KCNIP4: variants seen among roughly 807,000 people sequenced by gnomAD.
KCNIP4 encodes the protein potassium voltage-gated channel interacting protein 4, also known as Kv channel-interacting protein 4.
In KCNIP4, 12 loss-of-function variants were observed where a neutral mutation model predicts 34.0. The ratio of observed to expected loss-of-function variants is 0.35; its 90% CI spans 0.23 to 0.57. The LOEUF (loss-of-function observed/expected upper bound fraction) is 0.57, where lower values mean the gene tolerates loss of function less well. Among genes scored for constraint, KCNIP4 ranks in the 20% least tolerant of loss-of-function variants. KCNIP4 has a pLI of 0.83. For missense variants in KCNIP4, 238 were observed against 311.7 expected (o/e 0.76, Z 1.78); for synonymous variants, 124 against 102.2 (o/e 1.21, Z -1.29).
intron 3 of KCNIP4, among the ~76,000 whole-genome samples, chr4:20,786,053 AC>A (rs933050721): frequency 3.3e-5 from 5 of 152,142 alleles, no homozygotes; most frequent in Non-Finnish European, 7.4e-5. Context: ...CAACCTAGGT[AC>A]CCATCAATGG....
chr4:21,584,477 T>A (rs1344472507), intron 1 of KCNIP4, among the ~76,000 whole-genome samples: 1 of 152,032 alleles, frequency 6.6e-6, no homozygotes, highest in East Asian at 1.9e-4. Flanking sequence ...ACATTAAGAT[T>A]TTAGGAAACT....
intron 1 of KCNIP4, among the ~76,000 whole-genome samples, chr4:21,856,135 C>G (rs1231444264): frequency 6.6e-6 from 1 of 152,120 alleles, no homozygotes; most frequent in African/African-American, 2.4e-5. Flanking sequence ...TTGACATCAC[C>G]TTGGGTGGGG....
intron 1 of KCNIP4, among the ~76,000 whole-genome samples, chr4:21,546,603 C>T (rs1738174521): frequency 6.6e-6 from 1 of 152,010 alleles, no homozygotes; most frequent in African/African-American, 2.4e-5. Context: ...TTTGCATTTC[C>T]TAATTGGCAT....
chr4:20,817,537 G>A (rs559980477), intron 3 of KCNIP4, among the ~76,000 whole-genome samples: 4 of 151,906 alleles, frequency 2.6e-5, no homozygotes, highest in East Asian at 3.9e-4. Flanking sequence ...CCCCCTTTTC[G>A]CTCCTCTTAT....
At chr4:21,130,537 C>T (rs1199326765) in intron 1 of KCNIP4, among the ~76,000 whole-genome samples, 1 of 152,120 alleles carries the variant, frequency 6.6e-6, no homozygotes, top group East Asian at 1.9e-4. Context: ...AAACTAAATT[C>T]CTTGAACATG....
intron 1 of KCNIP4, among the ~76,000 whole-genome samples, chr4:21,155,180 C>A (rs1056013830): frequency 6.6e-6 from 1 of 152,094 alleles, no homozygotes. Context: ...GGCATGCCAG[C>A]CCTATTTTGC....
intron 1 of KCNIP4, among the ~76,000 whole-genome samples, chr4:21,234,461 CGTAT>C (rs1560199540): frequency 2.0e-5 from 2 of 98,976 alleles, no homozygotes; most frequent in African/African-American, 8.3e-5. Flanking sequence ...TTACATATAA[CGTAT>C]ATAATATATA....
At chr4:21,291,972 T>C (rs905886602) in intron 1 of KCNIP4, among the ~76,000 whole-genome samples, 3 of 151,262 alleles carry the variant, frequency 2.0e-5, no homozygotes. Flanking sequence ...TAAATCTTCA[T>C]CACTGAAATT....
intron 1 of KCNIP4, among the ~76,000 whole-genome samples, chr4:21,437,533 C>G (rs142924505): frequency 5.3e-5 from 8 of 152,154 alleles, no homozygotes; most frequent in Non-Finnish European, 1.0e-4. Context: ...TTTCAGTGAA[C>G]GCTATTTTAA....
chr4:21,178,186 G>C (rs1467830968), intron 1 of KCNIP4, among the ~76,000 whole-genome samples: 1 of 152,156 alleles, frequency 6.6e-6, no homozygotes, highest in Non-Finnish European at 1.5e-5. Context: ...CTTAATGAAA[G>C]TGGTTAGTCT....
At chr4:21,218,133 A>G (rs934960287) in intron 1 of KCNIP4, among the ~76,000 whole-genome samples, 9 of 151,882 alleles carry the variant, frequency 5.9e-5, no homozygotes, top group Middle Eastern at 3.4e-3. Context: ...CTCCTGCCTC[A>G]GTCTCCCGAG....
intron 1 of KCNIP4, among the ~76,000 whole-genome samples, chr4:20,992,459 T>C (rs1156909801): frequency 2.0e-5 from 3 of 152,150 alleles, no homozygotes; most frequent in African/African-American, 7.2e-5. Flanking sequence ...CAATTCAAGA[T>C]GAGATTTTGG....
At chr4:21,737,522 T>C (rs1410310981) in intron 1 of KCNIP4, among the ~76,000 whole-genome samples, 1 of 152,098 alleles carries the variant, frequency 6.6e-6, no homozygotes, top group Non-Finnish European at 1.5e-5. Context: ...GATACTAAAA[T>C]ATAACATCAT....
rs1731399850 is a variant in KCNIP4 at position 20,939,355 on chromosome 4, C to T, written c.62-56646G>A. Among the ~76,000 whole-genome samples, 2 of 151,798 alleles carry T rather than the reference C, an allele frequency of 1.3e-5. 1 individual carries two copies. The highest frequency in any genetic ancestry group is 4.2e-4 in the South Asian group (2 of 4,804). On this transcript the variant is annotated intron_variant, in intron 1 of 8. Coordinates refer to ENST00000382152, the MANE Select transcript of KCNIP4 (RefSeq NM_025221.6). ...ATTGCTAGATGTTAAACTTTCAGCC[C>T]ATAATCTTTTTATTAATTTATTATT...
chr4:21,016,066 C>T (rs1286316090), intron 1 of KCNIP4, among the ~76,000 whole-genome samples: 2 of 148,952 alleles, frequency 1.3e-5, no homozygotes, highest in Non-Finnish European at 3.0e-5. Context: ...TACATGCCAT[C>T]TCCTACTTCA....
chr4:21,900,391 T>A (rs1450832200), intron 1 of KCNIP4, among the ~76,000 whole-genome samples: 1 of 152,192 alleles, frequency 6.6e-6, no homozygotes, highest in Non-Finnish European at 1.5e-5. Context: ...TCCACTAATT[T>A]GGTTGACCGA....
At chr4:21,744,573 C>A (rs751579760) in intron 1 of KCNIP4, among the ~76,000 whole-genome samples, 29 of 152,158 alleles carry the variant, frequency 1.9e-4, no homozygotes, top group Non-Finnish European at 3.2e-4. Context: ...CTTCCCTGAG[C>A]TTTCTCCTGG....
chr4:21,370,471 A>G (rs1010491015), intron 1 of KCNIP4, among the ~76,000 whole-genome samples: 3 of 146,060 alleles, frequency 2.1e-5, no homozygotes, highest in African/African-American at 5.6e-5. Context: ...TTAAAAACAC[A>G]TGATTAAGAA....
chr4:21,650,561 G>A lies in KCNIP4; in HGVS notation c.61+298010C>T, dbSNP rs148271453. ...AGTTATTATACTTCTGCATATCTGA[G>A]GTCAGGAAAGAGGGGTCAGACATTT... On this transcript the variant is annotated intron_variant, in intron 1 of 8. Coordinates refer to ENST00000382152, the MANE Select transcript of KCNIP4 (RefSeq NM_025221.6). Among the ~76,000 whole-genome samples the A allele has an allele frequency of 2.8e-3, 430 of 152,158 alleles. 1 individual carries two copies. The highest frequency in any genetic ancestry group is 8.4e-3 in the African/African-American group (348 of 41,512).
Sources: gnomAD v4.1 joint callset for allele counts (sites outside exome capture counted in the v4.1 genomes callset) on GRCh38, gnomAD v4.1.1 for gene constraint, MANE v1.5 for transcripts, NCBI Gene and HGNC (gene_info 2026-07-23, HGNC 2026-07-21) for gene names.